ZNF804A: variants seen among roughly 807,000 people sequenced by gnomAD.
ZNF804A encodes the protein zinc finger protein 804A.
Under a neutral mutation model 16.5 loss-of-function variants are expected in ZNF804A, and 2 were observed. The ratio of observed to expected loss-of-function variants is 0.12; its 90% confidence interval spans 0.05 to 0.38. ZNF804A has a LOEUF of 0.38. Among genes scored for constraint, ZNF804A ranks in the 10% least tolerant of loss-of-function variants. The probability of loss-of-function intolerance (pLI) is 0.99; values close to 1 mark genes in which losing one functional copy is unlikely to be tolerated. For missense variants in ZNF804A, 1,473 were observed against 1,390.7 expected (o/e 1.06, Z -0.94); for synonymous variants, 534 against 489.6 (o/e 1.09, Z -1.20).
At chr2:184,813,917 G>T (rs1396486701) in intron 1 of ZNF804A, among the ~76,000 whole-genome samples, 1 of 144,908 alleles carries the variant, frequency 6.9e-6, no homozygotes, top group African/African-American at 2.5e-5. Flanking sequence ...GATGCCTTCA[G>T]TACATGCTTC....
chr2:184,899,654 A>T (rs1685144670), intron 2 of ZNF804A, among the ~76,000 whole-genome samples: 1 of 152,090 alleles, frequency 6.6e-6, no homozygotes, highest in Non-Finnish European at 1.5e-5. Context: ...ATTCTAAAAT[A>T]AATTGAAAAA....
At chr2:184,911,364 T>C (rs564042704) in intron 2 of ZNF804A, among the ~76,000 whole-genome samples, 4 of 152,248 alleles carry the variant, frequency 2.6e-5, no homozygotes, top group African/African-American at 9.6e-5. Flanking sequence ...GTTGTTTGGT[T>C]ACTGAAGCCC....
intron 1 of ZNF804A, among the ~76,000 whole-genome samples, chr2:184,829,645 T>C (rs1695227461): frequency 2.0e-5 from 3 of 151,842 alleles, no homozygotes; most frequent in Admixed American, 2.0e-4. Context: ...TATGATGAAT[T>C]ATTTTACAGG....
At chr2:184,742,355 T>G (rs1693720792) in intron 1 of ZNF804A, among the ~76,000 whole-genome samples, 1 of 152,026 alleles carries the variant, frequency 6.6e-6, no homozygotes, top group Non-Finnish European at 1.5e-5. Flanking sequence ...ATATTCCCTT[T>G]CAAGTATTCA....
chr2:184,916,763 G>T (rs1447831462), intron 2 of ZNF804A, among the ~76,000 whole-genome samples: 3 of 151,908 alleles, frequency 2.0e-5, no homozygotes, highest in Non-Finnish European at 2.9e-5. Flanking sequence ...CAGGAGAATC[G>T]CTTGAACCCA....
intron 1 of ZNF804A, among the ~76,000 whole-genome samples, chr2:184,858,584 C>T (rs1312495281): frequency 6.6e-6 from 1 of 150,884 alleles, no homozygotes; most frequent in African/African-American, 2.4e-5. Context: ...TCCATCTTGA[C>T]ATGTATTTTG....
chr2:184,765,210 T>C (rs1694099769), intron 1 of ZNF804A, among the ~76,000 whole-genome samples: 1 of 152,186 alleles, frequency 6.6e-6, no homozygotes, highest in Admixed American at 6.5e-5. Flanking sequence ...ATTTTATCTC[T>C]GACTTCAGTA....
At chr2:184,825,802 T>C (rs1415178592) in intron 1 of ZNF804A, among the ~76,000 whole-genome samples, 1 of 152,180 alleles carries the variant, frequency 6.6e-6, no homozygotes, top group Non-Finnish European at 1.5e-5. Context: ...ATTACATATA[T>C]GGGCATGTAT....
intron 1 of ZNF804A, among the ~76,000 whole-genome samples, chr2:184,666,879 T>C (rs1410607398): frequency 7.9e-5 from 12 of 151,920 alleles, no homozygotes; most frequent in Non-Finnish European, 1.3e-4. Flanking sequence ...GCTAGAAAAA[T>C]TGAATTGCAG....
intron 2 of ZNF804A, among the ~76,000 whole-genome samples, chr2:184,894,344 G>T (rs1685033139): frequency 6.6e-6 from 1 of 151,974 alleles, no homozygotes; most frequent in Non-Finnish European, 1.5e-5. Context: ...AATGCTACAT[G>T]AAATTTTTCA....
intron 1 of ZNF804A, among the ~76,000 whole-genome samples, chr2:184,778,359 A>G (rs1237633953): frequency 6.6e-6 from 1 of 151,550 alleles, no homozygotes; most frequent in Admixed American, 6.6e-5. Flanking sequence ...AGATATGGGG[A>G]AAAAGCTAAC....
rs760947114 is a variant in ZNF804A, at chr2:184,718,341, A to G, written c.111+119271A>G. ...ATTTGGGTGGGGACACAGCCAAACC[A>G]TATCATTCCACCTCAACCACTTCCA... On this transcript the variant is annotated intron_variant, in intron 1 of 3. Transcript: ENST00000302277. 5.9e-4 allele frequency among the ~76,000 whole-genome samples: 90 copies of G among 152,232 alleles called. 1 individual carries two copies. Among genetic ancestry groups the G allele is most frequent in the Non-Finnish European group, 1.1e-3 (78 of 68,022 alleles).
chr2:184,611,785 G>T lies in ZNF804A; in HGVS notation c.111+12715G>T, dbSNP rs565132916. Among the ~76,000 whole-genome samples the T allele has an allele frequency of 7.2e-5, 11 of 152,238 alleles. No individual in the cohort carries two copies. The East Asian group carries it at 2.1e-3, about 29-fold the overall frequency. ...TTAGTAAAGAGTCAGTTTAAATTTT[G>T]TTAGCCAGAAAGTCAATATAAGAAG... is the stretch of plus-strand genomic sequence containing the variant. On this transcript the variant is annotated intron_variant, in intron 1 of 3. Coordinates refer to ENST00000302277, the MANE Select transcript of ZNF804A (RefSeq NM_194250.2).
chr2:184,739,867 T>C (rs1338384156), intron 1 of ZNF804A, among the ~76,000 whole-genome samples: 6 of 152,180 alleles, frequency 3.9e-5, no homozygotes, highest in Admixed American at 2.0e-4. Context: ...AATCAAATAA[T>C]TGAAAACTGA....
intron 1 of ZNF804A, among the ~76,000 whole-genome samples, chr2:184,774,105 T>C (rs1392270943): frequency 1.3e-5 from 2 of 152,072 alleles, no homozygotes; most frequent in East Asian, 1.9e-4. Flanking sequence ...TTAGGTATTT[T>C]GTGTATTTAA....
chr2:184,851,154 T>C (rs543797664), intron 1 of ZNF804A, among the ~76,000 whole-genome samples: 22 of 151,986 alleles, frequency 1.4e-4, no homozygotes, highest in South Asian at 6.2e-4. Flanking sequence ...CTAATTAATA[T>C]ATGCATTACC....
At chr2:184,652,013 A>G (rs1430245775) in intron 1 of ZNF804A, among the ~76,000 whole-genome samples, 3 of 152,184 alleles carry the variant, frequency 2.0e-5, no homozygotes, top group Non-Finnish European at 4.4e-5. Flanking sequence ...AACATTCACA[A>G]TAGCAAAGAT....
At chr2:184,762,422 T>C (rs990149568) in intron 1 of ZNF804A, among the ~76,000 whole-genome samples, 3 of 151,980 alleles carry the variant, frequency 2.0e-5, no homozygotes, top group South Asian at 2.1e-4. Flanking sequence ...TGTATACATA[T>C]CTTTCAAGAA....
intron 1 of ZNF804A, among the ~76,000 whole-genome samples, chr2:184,733,281 T>C (rs1250375657): frequency 5.9e-5 from 9 of 152,324 alleles, no homozygotes; most frequent in South Asian, 2.1e-4. Context: ...TTTATTTCTA[T>C]GCTCCTGTGA....
Sources: gnomAD v4.1 joint callset for allele counts (sites outside exome capture counted in the v4.1 genomes callset) on GRCh38, gnomAD v4.1.1 for gene constraint, MANE v1.5 for transcripts, NCBI Gene and HGNC (gene_info 2026-07-23, HGNC 2026-07-21) for gene names.